Variants in SLC6A3 observed in about 807,000 individuals in gnomAD.
The protein encoded by SLC6A3 is solute carrier family 6 member 3.
In SLC6A3, 19 loss-of-function variants were observed where a neutral mutation model predicts 70.4. The ratio of observed to expected loss-of-function variants is 0.27; its 90% CI spans 0.19 to 0.40. The LOEUF (loss-of-function observed/expected upper bound fraction) is 0.40, where lower values mean the gene tolerates loss of function less well. Ranked by LOEUF, SLC6A3 falls within the 10% of genes least tolerant of loss-of-function variation. The probability of loss-of-function intolerance (pLI) is 1.00; values close to 1 mark genes in which losing one functional copy is unlikely to be tolerated. For missense variants in SLC6A3, 613 were observed against 838.5 expected (o/e 0.73, Z 3.32); for synonymous variants, 368 against 356.6 (o/e 1.03, Z -0.36).
At chr5:1,410,137 A>G (rs981625830) in intron 9 of SLC6A3, among the ~76,000 whole-genome samples, 17 of 152,154 alleles carry the variant, frequency 1.1e-4, no homozygotes, top group African/African-American at 3.9e-4. Context: ...CATGGCTAAA[A>G]CAATGCCACC....
Position 1,436,732 on chromosome 5 carries a change from C to T in SLC6A3, c.419-4034G>A, listed in dbSNP as rs1756843889. 6.6e-6 allele frequency among the ~76,000 whole-genome samples: 1 copy of T among 152,178 alleles called. No individual in the cohort carries two copies. Among genetic ancestry groups the T allele is most frequent in the Admixed American group, 6.5e-5 (1 of 15,286 alleles). On this transcript the variant is annotated intron_variant, in intron 3 of 14. Coordinates refer to ENST00000270349, the MANE Select transcript of SLC6A3 (RefSeq NM_001044.5). This position sits in a 1 kb window ranked among gnomAD's most constrained non-coding sequence, Gnocchi z 5.2. ...TTGCCCTTGGCAATGAAACCGAAAC[C>T]TGACAAACAGAAGCTGGCTGAGGGT...
At chr5:1,399,158 G>A (rs1361926457) in intron 14 of SLC6A3, among the ~76,000 whole-genome samples, 1 of 152,092 alleles carries the variant, frequency 6.6e-6, no homozygotes, top group South Asian at 2.1e-4. Context: ...AATTAATTTG[G>A]AAATTAAAAA....
intron 4 of SLC6A3, among the ~76,000 whole-genome samples, chr5:1,426,580 A>C (rs565015131): frequency 6.6e-6 from 1 of 152,348 alleles, no homozygotes; most frequent in African/African-American, 2.4e-5. Context: ...AAAACATGAT[A>C]TATCCATACA....
rs564456129 is a variant in SLC6A3, at chr5:1,404,328, C to G, written c.1600-1239G>C. 3.7e-4 allele frequency among the ~76,000 whole-genome samples: 57 copies of G among 152,334 alleles called. No individual in the cohort carries two copies. The highest frequency in any genetic ancestry group is 1.4e-3 in the African/African-American group (57 of 41,580). ...CAGCATCTGGGATCAGGGGCGGCTG[C>G]CTTGGCTGCACAGAGAGCCCTGAGC... On this transcript the variant is annotated intron_variant, in intron 12 of 14. Coordinates refer to ENST00000270349, the MANE Select transcript of SLC6A3 (RefSeq NM_001044.5). The surrounding 1 kb of genome is among the most constrained non-coding windows in gnomAD (Gnocchi z 5.2).
rs374618829 is a variant in SLC6A3, at chr5:1,411,226, C to G, written c.1269+17G>C. On this transcript the variant is annotated intron_variant, in intron 9 of 14. Coordinates refer to ENST00000270349, the MANE Select transcript of SLC6A3 (RefSeq NM_001044.5). The surrounding 1 kb of genome is among the most constrained non-coding windows in gnomAD (Gnocchi z 6.5). ...CCCAACTGCCGAGGACAGGGCCGGG[C>G]GGTGCGGGTTACTCACGGCGCTGTC... 6.0e-6 allele frequency: 9 copies of G among 1,509,892 alleles called. No individual in the cohort carries two copies. In the East Asian group the frequency reaches 2.2e-4, roughly 37 times the overall value. The allele number at this position is 1,509,892 out of a possible 1,614,324, so 93.5% of individuals were successfully genotyped here. A position where few individuals can be genotyped will look rare whatever the true frequency, so the allele number is the denominator to read the frequency against.
At chr5:1,426,781 G>A (rs1389285354) in intron 4 of SLC6A3, among the ~76,000 whole-genome samples, 2 of 152,224 alleles carry the variant, frequency 1.3e-5, no homozygotes, top group African/African-American at 4.8e-5. Flanking sequence ...GCCAGGGGCT[G>A]CAGTGAGGGA....
chr5:1,409,444 C>A (rs1756061546), intron 10 of SLC6A3, among the ~76,000 whole-genome samples: 1 of 152,178 alleles, frequency 6.6e-6, no homozygotes, highest in African/African-American at 2.4e-5. Flanking sequence ...TGCCACCACA[C>A]CCCCAGCGTC....
In SLC6A3 at chr5:1,411,502, T is replaced by A; in HGVS notation, c.1157-147A>T. 3 of 705,444 alleles carry A rather than the reference T, an allele frequency of 4.3e-6. No individual in the cohort carries two copies. The highest frequency in any genetic ancestry group is 7.7e-6 in the Non-Finnish European group (3 of 389,656). The allele number at this position is 705,444 out of a possible 1,614,324, so 43.7% of individuals were successfully genotyped here. A position where few individuals can be genotyped will look rare whatever the true frequency, so the allele number is the denominator to read the frequency against. On this transcript the variant is annotated intron_variant, in intron 8 of 14. Coordinates refer to ENST00000270349, the MANE Select transcript of SLC6A3 (RefSeq NM_001044.5). This position sits in a 1 kb window ranked among gnomAD's most constrained non-coding sequence, Gnocchi z 6.5. The stretch of plus-strand genomic sequence containing the variant: ...CTCTGCTGAAAAGCCCCCTTCTATA[T>A]GTCCAGCAGACCAGGCCTGGGACTC...
chr5:1,408,603 C>T lies in SLC6A3; in HGVS notation c.1498+423G>A, dbSNP rs1034659669. The stretch of plus-strand genomic sequence containing the variant: ...GGCCAGGAGCTGCACCCCGTTCGAG[C>T]GCCGCCCGCTGATCATCAGGTCCCG... On this transcript the variant is annotated intron_variant, in intron 11 of 14. Coordinates refer to ENST00000270349, the MANE Select transcript of SLC6A3 (RefSeq NM_001044.5). The surrounding 1 kb of genome is among the most constrained non-coding windows in gnomAD (Gnocchi z 6.4). 1.3e-5 allele frequency among the ~76,000 whole-genome samples: 2 copies of T among 152,166 alleles called. No individual in the cohort carries two copies. The highest frequency in any genetic ancestry group is 2.4e-5 in the African/African-American group (1 of 41,422).
chr5:1,410,148 C>T lies in SLC6A3; in HGVS notation c.1270-299G>A, dbSNP rs927479581. Among the ~76,000 whole-genome samples, 3 of 152,238 alleles carry T rather than the reference C, an allele frequency of 2.0e-5. 1 individual carries two copies. Among genetic ancestry groups the T allele is most frequent in the Admixed American group, 1.3e-4 (2 of 15,288 alleles). Reference sequence around the variant, plus strand: ...GCGGCATGGCTAAAACAATGCCACCCTGTCCACTGCTGCTGCACGGGCTCA... The same window carrying T: ...GCGGCATGGCTAAAACAATGCCACCTTGTCCACTGCTGCTGCACGGGCTCA... On this transcript the variant is annotated intron_variant, in intron 9 of 14. Coordinates refer to ENST00000270349, the MANE Select transcript of SLC6A3 (RefSeq NM_001044.5).
In SLC6A3 at chr5:1,394,360, C is replaced by A. The variant is rs546207265; in HGVS notation, c.*375G>T. ...TCTCAGCAGGTGCGTCTACAAGGAT[C>A]GTGATCCCCGCCTGAGAACACAGTG... On this transcript the variant is annotated 3_prime_UTR_variant, in exon 15 of 15. Transcript: ENST00000270349. This position sits in a 1 kb window ranked among gnomAD's most constrained non-coding sequence, Gnocchi z 4.7. 1 of 421,784 alleles carries A rather than the reference C, an allele frequency of 2.4e-6. No homozygotes were observed. The highest frequency in any genetic ancestry group is 2.0e-5 in the African/African-American group (1 of 49,672). The allele number at this position is 421,784 out of a possible 1,614,324, so 26.1% of individuals were successfully genotyped here. A position where few individuals can be genotyped will look rare whatever the true frequency, so the allele number is the denominator to read the frequency against.
intron 10 of SLC6A3, among the ~76,000 whole-genome samples, chr5:1,409,495 G>A (rs983154561): frequency 6.6e-6 from 1 of 152,094 alleles, no homozygotes; most frequent in Non-Finnish European, 1.5e-5. Flanking sequence ...CTTCAGCCTG[G>A]GGTGCTTCTG....
At position 1,396,180 on chromosome 5, in the gene SLC6A3, C is replaced by T. The variant is rs772392543; in HGVS notation, c.1840-1422G>A. On this transcript the variant is annotated intron_variant, in intron 14 of 14. Transcript: ENST00000270349. This position sits in a 1 kb window ranked among gnomAD's most constrained non-coding sequence, Gnocchi z 7.0. ...AGGGGCAGGGCAGTGGAATGCGGAGCGTCCATAGCTGAGCTGTGGTTTGTT... is the reference window on the plus strand; with the variant it reads ...AGGGGCAGGGCAGTGGAATGCGGAGTGTCCATAGCTGAGCTGTGGTTTGTT... Among the ~76,000 whole-genome samples, 2 of 152,188 alleles carry T rather than the reference C, an allele frequency of 1.3e-5. No individual in the cohort carries two copies. The highest frequency in any genetic ancestry group is 1.9e-4 in the East Asian group (1 of 5,188).
Position 1,406,291 on chromosome 5 carries a change from G to A in SLC6A3, c.1499-3C>T. ...GTCGTCGCTGAACTGCCCAACACCT[G>A]AGGGAGAAGAGGTGGCATCAGTGTC... On this transcript the variant is annotated splice_polypyrimidine_tract_variant and splice_region_variant and intron_variant, in intron 11 of 14. Coordinates refer to ENST00000270349, the MANE Select transcript of SLC6A3 (RefSeq NM_001044.5). The surrounding 1 kb of genome is among the most constrained non-coding windows in gnomAD (Gnocchi z 8.8). The A allele has an allele frequency of 6.2e-7, 1 of 1,611,256 alleles. No homozygotes were observed. The highest frequency in any genetic ancestry group is 1.1e-5 in the South Asian group (1 of 91,042).
intron 3 of SLC6A3, among the ~76,000 whole-genome samples, chr5:1,440,148 T>C (rs1756939591): frequency 6.6e-6 from 1 of 152,102 alleles, no homozygotes. Context: ...GATAGGTCGA[T>C]AGGTGGATGG....
In SLC6A3 at chr5:1,443,133, T is replaced by C. The variant is rs779782912; in HGVS notation, c.65A>G (p.Asn22Ser). ...SSVVAPAKEP[N>S]AVGPKEVELI... ...CTCCACCTCCTTCGGGCCCACGGCA[T>C]TGGGCTCCTTAGCCGGGGCCACCAC... Residue 22 changes from asparagine (N) to serine (S), a missense_variant, in exon 2 of 15, where the codon AAT (asparagine) becomes AGT (serine). Coordinates refer to ENST00000270349, the MANE Select transcript of SLC6A3 (RefSeq NM_001044.5). The C allele has an allele frequency of 2.5e-6, 4 of 1,614,208 alleles. No homozygotes were observed. Among genetic ancestry groups the C allele is most frequent in the East Asian group, 2.2e-5 (1 of 44,886 alleles).
chr5:1,443,783 C>T (rs1733737083), intron 1 of SLC6A3, among the ~76,000 whole-genome samples: 1 of 152,144 alleles, frequency 6.6e-6, no homozygotes, highest in South Asian at 2.1e-4. Context: ...ATCCTTGCAC[C>T]TCAGCCTCCT....
At position 1,393,651 on chromosome 5, in the gene SLC6A3, A is replaced by G. The variant is rs1362357009; in HGVS notation, c.*1084T>C. ...GGCCCTGCATGCATCCTGGGGTAGT[A>G]CACGCTCCTGTGGGGGCCCTGCATG... On this transcript the variant is annotated 3_prime_UTR_variant, in exon 15 of 15. Transcript: ENST00000270349. The G allele has an allele frequency of 6.9e-6, 1 of 145,672 alleles. No homozygotes were observed. The highest frequency in any genetic ancestry group is 2.0e-4 in the East Asian group (1 of 4,932). The allele number at this position is 145,672 out of a possible 1,614,324, so 9.0% of individuals were successfully genotyped here.
chr5:1,443,233 C>T lies in SLC6A3; in HGVS notation c.-36G>A. 1.2e-6 allele frequency: 2 copies of T among 1,610,070 alleles called. No homozygotes were observed. The highest frequency in any genetic ancestry group is 1.7e-6 in the Non-Finnish European group (2 of 1,176,660). Reference sequence around the variant, plus strand: ...GGAGTTGAGGAATTCTGTGCTTCTTCCCTCTTGGTCTTCAGCCAATATGAA... The same window carrying T: ...GGAGTTGAGGAATTCTGTGCTTCTTTCCTCTTGGTCTTCAGCCAATATGAA... On this transcript the variant is annotated 5_prime_UTR_variant, in exon 2 of 15. Coordinates refer to ENST00000270349, the MANE Select transcript of SLC6A3 (RefSeq NM_001044.5).
Sources: allele counts gnomAD v4.1 joint callset (sites outside exome capture counted in the v4.1 genomes callset), GRCh38; gene constraint gnomAD v4.1.1; non-coding constraint Gnocchi (gnomAD v3.1); transcripts MANE v1.5; gene names NCBI Gene and HGNC (gene_info 2026-07-23, HGNC 2026-07-21).